Variants in MFSD6 observed in about 807,000 individuals in gnomAD.
The protein encoded by MFSD6 is major facilitator superfamily domain containing 6, also known as major facilitator superfamily domain-containing protein 6.
In MFSD6, 26 loss-of-function variants were observed where a neutral mutation model predicts 56.3. That is an observed-to-expected ratio of 0.46 (90% CI 0.34 to 0.64). The LOEUF (loss-of-function observed/expected upper bound fraction) is 0.64. Ranked by LOEUF, MFSD6 falls within the 30% of genes least tolerant of loss-of-function variation. The pLI is 0.01. For missense variants in MFSD6, 750 were observed against 986.2 expected (o/e 0.76, Z 3.21); for synonymous variants, 331 against 366.9 (o/e 0.90, Z 1.12).
chr2:190,462,026 G>A lies in MFSD6; in HGVS notation c.1533-7732G>A, dbSNP rs564602096. Among the ~76,000 whole-genome samples the A allele has an allele frequency of 1.3e-5, 2 of 151,890 alleles. No individual in the cohort carries two copies. The highest frequency in any genetic ancestry group is 2.1e-4 in the South Asian group (1 of 4,798). ...TTAGGAAGTACATAACTCACTATAC[G>A]AACTCAAAATCTACAGAAATATACT... On this transcript the variant is annotated intron_variant, in intron 3 of 7. Coordinates refer to ENST00000392328, the MANE Select transcript of MFSD6 (RefSeq NM_017694.4). The surrounding 1 kb of genome is among the most constrained non-coding windows in gnomAD (Gnocchi z 5.7).
In MFSD6 at chr2:190,412,362, C is replaced by G. The variant is rs1690596070; in HGVS notation, c.-175-2930C>G. Reference sequence around the variant, plus strand: ...CAATTTTAGGTATTATCCAACATTTCATTTTGGGTTCTAATTATGTTTTAG... The same window carrying G: ...CAATTTTAGGTATTATCCAACATTTGATTTTGGGTTCTAATTATGTTTTAG... On this transcript the variant is annotated intron_variant, in intron 1 of 7. Coordinates refer to ENST00000392328, the MANE Select transcript of MFSD6 (RefSeq NM_017694.4). This position sits in a 1 kb window ranked among gnomAD's most constrained non-coding sequence, Gnocchi z 4.1. 1.0e-6 allele frequency: 1 copy of G among 984,008 alleles called. No individual in the cohort carries two copies. Among genetic ancestry groups the G allele is most frequent in the African/African-American group, 1.7e-5 (1 of 57,168 alleles). 61.0% of individuals were successfully genotyped at this position (984,008 alleles called of 1,614,324 possible).
intron 4 of MFSD6, among the ~76,000 whole-genome samples, chr2:190,474,251 C>T: frequency 6.6e-6 from 1 of 151,500 alleles, no homozygotes. Flanking sequence ...CACAAAAAAC[C>T]CTTCAAAAAA....
chr2:190,500,017 G>T lies in MFSD6; in HGVS notation c.2175G>T (p.Gly725=). ...NRASEIQPLQ[G]TNENRENSPA... ...CATCTCCTGTTTTTTACCTCCAGGG[G>T]ACCAATGAGAATAGGGAAAATTCTC... The change falls in exon 8 of 8, where the codon GGG becomes GGT. Residue 725 remains glycine, a splice_region_variant and synonymous_variant. Coordinates refer to ENST00000392328, the MANE Select transcript of MFSD6 (RefSeq NM_017694.4). The surrounding 1 kb of genome is among the most constrained non-coding windows in gnomAD (Gnocchi z 5.3). 6.2e-7 allele frequency: 1 copy of T among 1,614,044 alleles called. No individual in the cohort carries two copies. Among genetic ancestry groups the T allele is most frequent in the Non-Finnish European group, 8.5e-7 (1 of 1,179,986 alleles).
chr2:190,450,241 A>G (rs1686728994), intron 3 of MFSD6, among the ~76,000 whole-genome samples: 1 of 152,118 alleles, frequency 6.6e-6, no homozygotes, highest in African/African-American at 2.4e-5. Flanking sequence ...ATACATGGAA[A>G]TATCTGGCAG....
At chr2:190,407,703 G>T (rs1445306350), upstream of MFSD6, among the ~76,000 whole-genome samples, 1 of 152,144 alleles carries the variant, frequency 6.6e-6, no homozygotes, top group East Asian at 1.9e-4. The surrounding 1 kb of genome is among the most constrained non-coding windows in gnomAD (Gnocchi z 5.4). Context: ...GATGCCAGTA[G>T]CAGCTTCCTG....
rs1689850225 is a variant in MFSD6, at chr2:190,498,747, C to G, written c.2172+1028C>G. On this transcript the variant is annotated intron_variant, in intron 7 of 7. Coordinates refer to ENST00000392328, the MANE Select transcript of MFSD6 (RefSeq NM_017694.4). The surrounding 1 kb of genome is among the most constrained non-coding windows in gnomAD (Gnocchi z 5.9). ...GGAGAAAGGATGATTTTAATATCTG[C>G]TGCTTGAGTAGCAATATTTTCATTA... Among the ~76,000 whole-genome samples, 1 of 152,198 alleles carries G rather than the reference C, an allele frequency of 6.6e-6. No individual in the cohort carries two copies. The highest frequency in any genetic ancestry group is 1.5e-5 in the Non-Finnish European group (1 of 68,034).
intron 2 of MFSD6, among the ~76,000 whole-genome samples, chr2:190,427,445 G>T (rs2125018559): frequency 6.6e-6 from 1 of 152,326 alleles, no homozygotes; most frequent in East Asian, 1.9e-4. Flanking sequence ...TGTCTTTCTA[G>T]ACTGCCCCTT....
At position 190,451,578 on chromosome 2, in the gene MFSD6, T is replaced by C. The variant is rs1686774554; in HGVS notation, c.1532+14017T>C. ...AATGATGGGTGATTTAGGGCAAAAG[T>C]AAGACAGAGTGAAGGGTCCTAAGAG... is the stretch of plus-strand genomic sequence containing the variant. On this transcript the variant is annotated intron_variant, in intron 3 of 7. Coordinates refer to ENST00000392328, the MANE Select transcript of MFSD6 (RefSeq NM_017694.4). The surrounding 1 kb of genome is among the most constrained non-coding windows in gnomAD (Gnocchi z 5.0). Among the ~76,000 whole-genome samples the C allele has an allele frequency of 6.6e-6, 1 of 152,194 alleles. No individual in the cohort carries two copies. The highest frequency in any genetic ancestry group is 1.5e-5 in the Non-Finnish European group (1 of 68,038).
chr2:190,461,695 T>A lies in MFSD6; in HGVS notation c.1533-8063T>A, dbSNP rs1687337963. Among the ~76,000 whole-genome samples the A allele has an allele frequency of 6.6e-6, 1 of 152,134 alleles. No individual in the cohort carries two copies. The highest frequency in any genetic ancestry group is 2.4e-5 in the African/African-American group (1 of 41,428). Reference sequence around the variant, plus strand: ...GGGAAACAGCTCCCTCACACCTCTTTTACCCACTCATGAGGGCTCCACTCT... The same window carrying A: ...GGGAAACAGCTCCCTCACACCTCTTATACCCACTCATGAGGGCTCCACTCT... On this transcript the variant is annotated intron_variant, in intron 3 of 7. Transcript: ENST00000392328. The surrounding 1 kb of genome is among the most constrained non-coding windows in gnomAD (Gnocchi z 5.5).
rs1690863563 is a variant in MFSD6 at position 190,418,110 on chromosome 2, A to C, written c.-54+2697A>C. 6.6e-6 allele frequency among the ~76,000 whole-genome samples: 1 copy of C among 151,996 alleles called. No homozygotes were observed. Among genetic ancestry groups the C allele is most frequent in the Non-Finnish European group, 1.5e-5 (1 of 68,002 alleles). ...TCCCTGTCTCATAGCTGCACAGTGC[A>C]TTGAGAGTCAGTACCTGCTAAGAGC... On this transcript the variant is annotated intron_variant, in intron 2 of 7. Transcript: ENST00000392328. The surrounding 1 kb of genome is among the most constrained non-coding windows in gnomAD (Gnocchi z 4.1).
rs186214152 is a variant in MFSD6 at position 190,463,291 on chromosome 2, C to G, written c.1533-6467C>G. ...GAGTTTGGATATATATTTTCTTACTCTCTTAAACTGACAATAGAGAACATC... is the reference window on the plus strand; with the variant it reads ...GAGTTTGGATATATATTTTCTTACTGTCTTAAACTGACAATAGAGAACATC... On this transcript the variant is annotated intron_variant, in intron 3 of 7. Transcript: ENST00000392328. The surrounding 1 kb of genome is among the most constrained non-coding windows in gnomAD (Gnocchi z 4.4). Among the ~76,000 whole-genome samples, 1 of 152,260 alleles carries G rather than the reference C, an allele frequency of 6.6e-6. No individual in the cohort carries two copies. The highest frequency in any genetic ancestry group is 2.4e-5 in the African/African-American group (1 of 41,550).
At chr2:190,472,754 C>T (rs1433008813) in intron 4 of MFSD6, among the ~76,000 whole-genome samples, 4 of 152,022 alleles carry the variant, frequency 2.6e-5, no homozygotes, top group South Asian at 2.1e-4. Context: ...AGATACTCCT[C>T]GAGAAGAGCA....
chr2:190,466,554 G>A (rs1477952151), intron 3 of MFSD6, among the ~76,000 whole-genome samples: 1 of 152,118 alleles, frequency 6.6e-6, no homozygotes, highest in East Asian at 1.9e-4. Flanking sequence ...TATTTACTTG[G>A]ATACTTTTCC....
chr2:190,448,907 A>G (rs1165587476), intron 3 of MFSD6, among the ~76,000 whole-genome samples: 1 of 152,214 alleles, frequency 6.6e-6, no homozygotes, highest in African/African-American at 2.4e-5. Flanking sequence ...CAGTGGATCA[A>G]TATAACCGTC....
At position 190,497,174 on chromosome 2, in the gene MFSD6, G is replaced by A. The variant is rs1210045395; in HGVS notation, c.1892-265G>A. Among the ~76,000 whole-genome samples the A allele has an allele frequency of 1.3e-5, 2 of 152,064 alleles. No individual in the cohort carries two copies. Among genetic ancestry groups the A allele is most frequent in the African/African-American group, 4.8e-5 (2 of 41,396 alleles). ...TCATTATAACCTATGCCCCACTGAT[G>A]TTCTAAGTTAAATGAAAAATATATT... On this transcript the variant is annotated intron_variant, in intron 6 of 7. Coordinates refer to ENST00000392328, the MANE Select transcript of MFSD6 (RefSeq NM_017694.4). The surrounding 1 kb of genome is among the most constrained non-coding windows in gnomAD (Gnocchi z 5.2).
At position 190,471,837 on chromosome 2, in the gene MFSD6, C is replaced by T. The variant is rs984770460; in HGVS notation, c.1630+1982C>T. Among the ~76,000 whole-genome samples, 1 of 152,196 alleles carries T rather than the reference C, an allele frequency of 6.6e-6. No individual in the cohort carries two copies. Among genetic ancestry groups the T allele is most frequent in the African/African-American group, 2.4e-5 (1 of 41,434 alleles). ...GCAAGTAGCCTAACTGGGAGGCACC[C>T]CCCAGTAGGGGCAGACTGATAACTC... On this transcript the variant is annotated intron_variant, in intron 4 of 7. Transcript: ENST00000392328. The surrounding 1 kb of genome is among the most constrained non-coding windows in gnomAD (Gnocchi z 4.7).
intron 3 of MFSD6, among the ~76,000 whole-genome samples, chr2:190,445,198 G>C (rs951705518): frequency 2.0e-5 from 3 of 152,110 alleles, no homozygotes; most frequent in Non-Finnish European, 4.4e-5. Context: ...TCATATTAAA[G>C]AGAATTACAG....
Position 190,488,357 on chromosome 2 carries a change from G to A in MFSD6, c.1631-300G>A, listed in dbSNP as rs1689136620. On this transcript the variant is annotated intron_variant, in intron 4 of 7. Coordinates refer to ENST00000392328, the MANE Select transcript of MFSD6 (RefSeq NM_017694.4). The surrounding 1 kb of genome is among the most constrained non-coding windows in gnomAD (Gnocchi z 6.4). Reference sequence around the variant, plus strand: ...CATTCAAGAGACAGGAAGTAGAATGGTGGTTGTCAGGGGATGGGACAAGGG... The same window carrying A: ...CATTCAAGAGACAGGAAGTAGAATGATGGTTGTCAGGGGATGGGACAAGGG... Among the ~76,000 whole-genome samples, 1 of 152,190 alleles carries A rather than the reference G, an allele frequency of 6.6e-6. No individual in the cohort carries two copies. Among genetic ancestry groups the A allele is most frequent in the South Asian group, 2.1e-4 (1 of 4,826 alleles).
Position 190,490,683 on chromosome 2 carries a change from T to C in MFSD6, c.1891+817T>C, listed in dbSNP as rs961653497. 1.3e-5 allele frequency among the ~76,000 whole-genome samples: 2 copies of C among 152,208 alleles called. No homozygotes were observed. Among genetic ancestry groups the C allele is most frequent in the African/African-American group, 2.4e-5 (1 of 41,452 alleles). ...AAGGAGGTTATATCAAATATTAATATGTAGATGAGAATGAGCTGACTCAAC... is the reference window on the plus strand; with the variant it reads ...AAGGAGGTTATATCAAATATTAATACGTAGATGAGAATGAGCTGACTCAAC... On this transcript the variant is annotated intron_variant, in intron 6 of 7. Coordinates refer to ENST00000392328, the MANE Select transcript of MFSD6 (RefSeq NM_017694.4). The surrounding 1 kb of genome is among the most constrained non-coding windows in gnomAD (Gnocchi z 4.5).
Sources: allele counts gnomAD v4.1 joint callset (sites outside exome capture counted in the v4.1 genomes callset), GRCh38; gene constraint gnomAD v4.1.1; non-coding constraint Gnocchi (gnomAD v3.1); transcripts MANE v1.5; gene names NCBI Gene and HGNC (gene_info 2026-07-23, HGNC 2026-07-21).